The following PSMD14 variants were observed in gnomAD, a reference collection of about 807,000 sequenced individuals.
The protein encoded by PSMD14 is proteasome 26S subunit, non-ATPase 14, also known as ubiquitin C-terminal hydrolase PSMD14.
PSMD14 carries 7 observed loss-of-function variants against 41.2 expected under a neutral mutation model. The observed-to-expected ratio is 0.17, with a 90% CI of 0.10 to 0.32. PSMD14 has a LOEUF of 0.32. PSMD14 is among the 10% of genes least tolerant of loss of function. PSMD14 has a pLI of 1.00. For missense variants in PSMD14, 139 were observed against 375.6 expected (o/e 0.37, Z 5.21); for synonymous variants, 114 against 122.3 (o/e 0.93, Z 0.45).
At chr2:161,372,000 A>G (rs1379221825) in intron 7 of PSMD14, among the ~76,000 whole-genome samples, 1 of 146,678 alleles carries the variant, frequency 6.8e-6, no homozygotes, top group Non-Finnish European at 1.5e-5. Context: ...TTCTAGCCCC[A>G]TATGCCATTT....
intron 3 of PSMD14, among the ~76,000 whole-genome samples, chr2:161,329,581 G>A (rs948982903): frequency 6.6e-6 from 1 of 151,818 alleles, no homozygotes; most frequent in African/African-American, 2.4e-5. Flanking sequence ...ATTAATTTGG[G>A]CATTTTCTCT....
intron 3 of PSMD14, among the ~76,000 whole-genome samples, chr2:161,337,667 G>A (rs767358197): frequency 3.3e-5 from 5 of 152,156 alleles, no homozygotes; most frequent in African/African-American, 4.8e-5. Context: ...TTATGGTGAC[G>A]GTCCCATGGC....
chr2:161,361,069 G>A (rs1683282812), intron 3 of PSMD14, among the ~76,000 whole-genome samples: 1 of 152,074 alleles, frequency 6.6e-6, no homozygotes, highest in Non-Finnish European at 1.5e-5. Flanking sequence ...TACCTAAAAT[G>A]TGCTTCTTCA....
intron 10 of PSMD14, among the ~76,000 whole-genome samples, chr2:161,404,832 A>C (rs924194876): frequency 6.6e-6 from 1 of 152,152 alleles, no homozygotes; most frequent in Non-Finnish European, 1.5e-5. Flanking sequence ...TGGCAACTAC[A>C]CACTCTGCTG....
intron 3 of PSMD14, among the ~76,000 whole-genome samples, chr2:161,345,734 T>G (rs935957090): frequency 6.6e-6 from 1 of 152,166 alleles, no homozygotes; most frequent in Non-Finnish European, 1.5e-5. Flanking sequence ...GGTCACTGTT[T>G]CTTAAATATT....
At chr2:161,330,500 T>C (rs1353070997) in intron 3 of PSMD14, among the ~76,000 whole-genome samples, 1 of 152,380 alleles carries the variant, frequency 6.6e-6, no homozygotes, top group Non-Finnish European at 1.5e-5. Flanking sequence ...TCGGGTTTCC[T>C]ATCTTAAACT....
At chr2:161,368,474 A>G (rs1021951696) in intron 5 of PSMD14, among the ~76,000 whole-genome samples, 1 of 152,094 alleles carries the variant, frequency 6.6e-6, no homozygotes, top group Non-Finnish European at 1.5e-5. Flanking sequence ...AATTACCTGT[A>G]TAGAATACAT....
At chr2:161,410,376 T>C (rs1489074019) in intron 11 of PSMD14, among the ~76,000 whole-genome samples, 1 of 152,018 alleles carries the variant, frequency 6.6e-6, no homozygotes, top group African/African-American at 2.4e-5. Context: ...ATTCCAATAA[T>C]GAACATTTGT....
At chr2:161,380,927 A>G (rs1683563268) in intron 7 of PSMD14, among the ~76,000 whole-genome samples, 1 of 152,032 alleles carries the variant, frequency 6.6e-6, no homozygotes, top group African/African-American at 2.4e-5. Context: ...TAAAGAATCT[A>G]GAAACAACCT....
intron 3 of PSMD14, among the ~76,000 whole-genome samples, chr2:161,354,669 GTATA>G (rs1379338164): frequency 6.6e-6 from 1 of 152,092 alleles, no homozygotes; most frequent in Non-Finnish European, 1.5e-5. Context: ...TTGATAGTGG[GTATA>G]TATATTTATG....
intron 3 of PSMD14, among the ~76,000 whole-genome samples, chr2:161,320,400 CA>C (rs1451123584): frequency 1.3e-5 from 2 of 152,128 alleles, no homozygotes; most frequent in Admixed American, 6.5e-5. Context: ...AGCTTTATAT[CA>C]AGTGAAAAAC....
chr2:161,354,227 A>G (rs1470641108), intron 3 of PSMD14, among the ~76,000 whole-genome samples: 1 of 152,022 alleles, frequency 6.6e-6, no homozygotes, highest in African/African-American at 2.4e-5. Context: ...TCCGTGAATG[A>G]TGCTGTGTGT....
In PSMD14 at chr2:161,327,544, CA is replaced by C. The variant is rs1682717129; in HGVS notation, c.48+8672del. 2.0e-5 allele frequency among the ~76,000 whole-genome samples: 3 copies of C among 151,982 alleles called. No homozygotes were observed. In the South Asian group the frequency reaches 6.2e-4, roughly 32 times the overall value. ...TCCCCAATCCCCCCATTTTTTGGGG[CA>C]GAAATTTTTATGTCTTTATGACCTC... is the stretch of plus-strand genomic sequence containing the variant. On this transcript the variant is annotated intron_variant, in intron 3 of 11. Coordinates refer to ENST00000409682, the MANE Select transcript of PSMD14 (RefSeq NM_005805.6).
intron 3 of PSMD14, among the ~76,000 whole-genome samples, chr2:161,332,306 A>T (rs1432148036): frequency 6.6e-6 from 1 of 152,210 alleles, no homozygotes; most frequent in African/African-American, 2.4e-5. Context: ...TACATTTCTT[A>T]CTTTTTTACG....
At chr2:161,370,221 T>G (rs1683413706) in intron 6 of PSMD14, 44 bp downstream of exon 6, 1 of 1,357,520 alleles carries the variant, frequency 7.4e-7, no homozygotes, top group Non-Finnish European at 1.0e-6. Context: ...TGGGAAATAT[T>G]TATAGAAACA....
chr2:161,406,053 G>A (rs181059423), intron 10 of PSMD14, among the ~76,000 whole-genome samples: 82 of 152,254 alleles, frequency 5.4e-4, no homozygotes, highest in African/African-American at 1.9e-3. Flanking sequence ...ATCCTTAAGA[G>A]TGTTAGTGAA....
intron 7 of PSMD14, chr2:161,383,285 A>C (rs1683591539): frequency 6.6e-6 from 1 of 152,114 alleles, no homozygotes; most frequent in Non-Finnish European, 1.5e-5. Context: ...TGAACATGTT[A>C]GTTTCCTTAA....
At chr2:161,408,497 A>T (rs1236124241) in intron 10 of PSMD14, 1 of 283,766 alleles carries the variant, frequency 3.5e-6, no homozygotes, top group Admixed American at 4.9e-5. Context: ...CAGAATTAGT[A>T]CCACAGTGCC....
chr2:161,402,032 A>T (rs1396040419), intron 10 of PSMD14, among the ~76,000 whole-genome samples: 1 of 152,168 alleles, frequency 6.6e-6, no homozygotes, highest in East Asian at 1.9e-4. Flanking sequence ...GATAGCTACA[A>T]CCACTTCTGA....
Sources: gnomAD v4.1 joint callset for allele counts (sites outside exome capture counted in the v4.1 genomes callset) on GRCh38, gnomAD v4.1.1 for gene constraint, MANE v1.5 for transcripts, NCBI Gene and HGNC (gene_info 2026-07-23, HGNC 2026-07-21) for gene names.